Variants in LY96 observed in about 807,000 individuals in gnomAD.
LY96 encodes lymphocyte antigen 96.
Under a neutral mutation model 18.9 loss-of-function variants are expected in LY96, and 18 were observed. The ratio of observed to expected loss-of-function variants is 0.95; its 90% CI spans 0.66 to 1.41. LY96 has a LOEUF of 1.41. LY96 is among the 40% of genes most tolerant of loss of function. LY96 has a pLI of 0.00. For missense variants in LY96, 175 were observed against 182.4 expected (o/e 0.96, Z 0.23); for synonymous variants, 66 against 62.6 (o/e 1.06, Z -0.26).
At chr8:74,058,538 T>C in the LY96 span, among the ~76,000 whole-genome samples, 1 of 151,082 alleles carries the variant, frequency 6.6e-6, no homozygotes, top group African/African-American at 2.4e-5. Context: ...TTTTTTTTTT[T>C]GGATGGAGTC....
the LY96 span, among the ~76,000 whole-genome samples, chr8:74,079,172 T>C: frequency 6.6e-6 from 1 of 152,228 alleles, no homozygotes; most frequent in Non-Finnish European, 1.5e-5. Flanking sequence ...TGCTCTCTGC[T>C]TGAGCTGGGA....
the LY96 span, among the ~76,000 whole-genome samples, chr8:74,060,698 C>T: frequency 1.3e-5 from 2 of 152,236 alleles, no homozygotes; most frequent in Non-Finnish European, 2.9e-5. Context: ...GATGTTGGAA[C>T]TCACAACCAA....
chr8:74,013,454 T>A (rs1447960595), intron 3 of LY96, among the ~76,000 whole-genome samples: 2 of 152,100 alleles, frequency 1.3e-5, no homozygotes, highest in African/African-American at 4.8e-5. Flanking sequence ...AATTTAATTT[T>A]ATTTTAATTA....
chr8:73,998,011 G>C (rs1816186563), intron 1 of LY96, among the ~76,000 whole-genome samples: 1 of 152,138 alleles, frequency 6.6e-6, no homozygotes, highest in Admixed American at 6.5e-5. Flanking sequence ...TGTTAACTCT[G>C]TCTGTAGCCC....
the LY96 span, among the ~76,000 whole-genome samples, chr8:74,036,068 G>T: frequency 2.0e-5 from 3 of 152,174 alleles, no homozygotes; most frequent in African/African-American, 7.2e-5. Context: ...ACTCGTCTCA[G>T]GGATACTTTT....
At chr8:74,077,425 AT>A in the LY96 span, among the ~76,000 whole-genome samples, 1 of 152,228 alleles carries the variant, frequency 6.6e-6, no homozygotes, top group East Asian at 1.9e-4. Context: ...TGATGATGGA[AT>A]CATGGTTATG....
chr8:74,038,624 C>T, the LY96 span, among the ~76,000 whole-genome samples: 4 of 152,204 alleles, frequency 2.6e-5, no homozygotes, highest in Non-Finnish European at 5.9e-5. Flanking sequence ...CTCTTGGCCT[C>T]AAGGGAGGCC....
chr8:74,028,382 G>A (rs1816912529), intron 4 of LY96, among the ~76,000 whole-genome samples: 1 of 151,914 alleles, frequency 6.6e-6, no homozygotes, highest in African/African-American at 2.4e-5. Context: ...TTACTAATCT[G>A]TTGAACAGTC....
At chr8:73,991,950 C>G (rs1182415033) in intron 1 of LY96, among the ~76,000 whole-genome samples, 1 of 152,138 alleles carries the variant, frequency 6.6e-6, no homozygotes, top group African/African-American at 2.4e-5. Context: ...GAGTTGATTT[C>G]TGCTCTAAGC....
At chr8:74,088,652 C>G in the LY96 span, among the ~76,000 whole-genome samples, 1 of 152,190 alleles carries the variant, frequency 6.6e-6, no homozygotes, top group Non-Finnish European at 1.5e-5. Context: ...GTGGCACGAT[C>G]TCGGCTCACT....
At chr8:74,090,989 T>C in the LY96 span, among the ~76,000 whole-genome samples, 1 of 152,248 alleles carries the variant, frequency 6.6e-6, no homozygotes, top group Non-Finnish European at 1.5e-5. Context: ...GATTCTGGTA[T>C]ATATGTGTAT....
the LY96 span, among the ~76,000 whole-genome samples, chr8:74,065,640 C>G: frequency 2.0e-5 from 3 of 152,304 alleles, no homozygotes; most frequent in African/African-American, 7.2e-5. Context: ...TGTAACTTCT[C>G]CATGCCTTGG....
chr8:74,087,068 C>T, the LY96 span, among the ~76,000 whole-genome samples: 1 of 152,172 alleles, frequency 6.6e-6, no homozygotes, highest in African/African-American at 2.4e-5. Flanking sequence ...AAGATCATGA[C>T]AGAATGGAAA....
At chr8:74,026,906 A>C (rs1012199187) in intron 4 of LY96, 65 bp downstream of exon 4, 1 of 829,028 alleles carries the variant, frequency 1.2e-6, no homozygotes, top group Non-Finnish European at 2.0e-6. Context: ...TAAGCATTTG[A>C]AACAAGCAAT....
chr8:74,000,218 C>G (rs1004398849), intron 1 of LY96, among the ~76,000 whole-genome samples: 2 of 152,264 alleles, frequency 1.3e-5, no homozygotes, highest in South Asian at 4.1e-4. Context: ...TATAAGTGGC[C>G]AAAAGAAGCC....
chr8:74,013,348 C>T (rs548608627), intron 3 of LY96, among the ~76,000 whole-genome samples: 1 of 152,278 alleles, frequency 6.6e-6, no homozygotes, highest in African/African-American at 2.4e-5. Context: ...GTCTCAAACT[C>T]CTGACCTCAG....
At position 74,010,036 on chromosome 8, in the gene LY96, A is replaced by G. The variant is rs1377002211; in HGVS notation, c.238A>G (p.Ile80Val). The change falls in exon 3 of 5, where the codon ATA becomes GTA. Residue 80 changes from isoleucine to valine, a missense_variant. Ile to Val is a conservative substitution (Grantham distance 29). Coordinates refer to ENST00000284818, the MANE Select transcript of LY96 (RefSeq NM_015364.5). Reference sequence around the variant, plus strand: ...AAAGCAATTATATTTCAATCTCTATATAACTGTCAACACCATGAATCTTCC... The same window carrying G: ...AAAGCAATTATATTTCAATCTCTATGTAACTGTCAACACCATGAATCTTCC... The part of the protein sequence containing the change: ...DLKQLYFNLY[I>V]TVNTMNLPKR... 7.5e-6 allele frequency: 12 copies of G among 1,607,040 alleles called. No individual in the cohort carries two copies. Among genetic ancestry groups the G allele is most frequent in the Admixed American group, 5.0e-5 (3 of 60,000 alleles).
At chr8:74,096,873 C>G in the LY96 span, among the ~76,000 whole-genome samples, 2 of 152,070 alleles carry the variant, frequency 1.3e-5, no homozygotes, top group Admixed American at 1.3e-4. Context: ...ACCTCACTTC[C>G]TAAAGTGTTT....
intron 1 of LY96, among the ~76,000 whole-genome samples, chr8:73,995,991 G>T (rs1447195743): frequency 6.6e-6 from 1 of 152,114 alleles, no homozygotes; most frequent in Non-Finnish European, 1.5e-5. Context: ...AAGCTAGGGG[G>T]TTGCATTTTA....
Sources: gnomAD v4.1 joint callset for allele counts (sites outside exome capture counted in the v4.1 genomes callset) on GRCh38, gnomAD v4.1.1 for gene constraint, MANE v1.5 for transcripts, NCBI Gene and HGNC (gene_info 2026-07-23, HGNC 2026-07-21) for gene names.